The following ZDHHC20 variants were observed in gnomAD, a reference collection of about 807,000 sequenced individuals.
ZDHHC20 encodes palmitoyltransferase ZDHHC20.
ZDHHC20 carries 43 observed loss-of-function variants against 57.8 expected under a neutral mutation model. The ratio of observed to expected loss-of-function variants is 0.74; its 90% CI spans 0.58 to 0.96. ZDHHC20 has a LOEUF of 0.96. Ranked by LOEUF, ZDHHC20 falls within the 40% of genes least tolerant of loss-of-function variation. The probability of loss-of-function intolerance (pLI) is 0.00; values close to 1 mark genes in which losing one functional copy is unlikely to be tolerated. For synonymous variants in ZDHHC20, 157 were observed against 153.0 expected (o/e 1.03, Z -0.19); for missense variants, 391 against 441.1 (o/e 0.89, Z 1.02).
At chr13:21,450,397 C>G (rs1884331229) in intron 1 of ZDHHC20, among the ~76,000 whole-genome samples, 1 of 152,114 alleles carries the variant, frequency 6.6e-6, no homozygotes, top group African/African-American at 2.4e-5. Flanking sequence ...TCTTGTCTTT[C>G]AAGAAAGCAG....
At chr13:21,419,120 T>A (rs1880352924) in intron 3 of ZDHHC20, among the ~76,000 whole-genome samples, 1 of 152,214 alleles carries the variant, frequency 6.6e-6, no homozygotes, top group Non-Finnish European at 1.5e-5. Context: ...AGTAATTGAT[T>A]AAATAAAATT....
chr13:21,414,228 CT>C (rs34795716), intron 3 of ZDHHC20, among the ~76,000 whole-genome samples: 19,557 of 140,662 alleles, frequency 0.14, 1,612 homozygotes, highest in African/African-American at 0.24. Flanking sequence ...GCCAAGGAGT[CT>C]TTTTTTTTTT....
At chr13:21,411,675 A>G (rs1211435429) in intron 4 of ZDHHC20, among the ~76,000 whole-genome samples, 1 of 152,244 alleles carries the variant, frequency 6.6e-6, no homozygotes, top group Non-Finnish European at 1.5e-5. Flanking sequence ...TTGATGACTG[A>G]GCAGAATGAA....
intron 1 of ZDHHC20, among the ~76,000 whole-genome samples, chr13:21,438,883 C>G (rs962778585): frequency 6.6e-6 from 1 of 152,232 alleles, no homozygotes; most frequent in Admixed American, 6.5e-5. Context: ...CAGCCATCAT[C>G]ATCGAGGCAA....
intron 1 of ZDHHC20, among the ~76,000 whole-genome samples, chr13:21,434,800 C>T (rs1882377626): frequency 6.6e-6 from 1 of 151,342 alleles, no homozygotes; most frequent in Non-Finnish European, 1.5e-5. Context: ...TAAAGCATTG[C>T]ACAATATTCC....
chr13:21,378,073 GCT>G (rs1872555589), intron 12 of ZDHHC20, among the ~76,000 whole-genome samples: 1 of 151,926 alleles, frequency 6.6e-6, no homozygotes, highest in South Asian at 2.1e-4. Context: ...ACAGGGCCTT[GCT>G]CTGTTACCCA....
At position 21,375,731 on chromosome 13, in the gene ZDHHC20, T is replaced by C. The variant is rs762425010; in HGVS notation, c.*965A>G. ...TTCAAAGTAATTTTTAGTCATTACC[T>C]ACACTGAAATTTGAAAGTGAAGTCA... On this transcript the variant is annotated 3_prime_UTR_variant, in exon 13 of 13. Transcript: ENST00000400590. 6.6e-6 allele frequency: 1 copy of C among 152,292 alleles called. No homozygotes were observed. The highest frequency in any genetic ancestry group is 6.5e-5 in the Admixed American group (1 of 15,286). The allele number at this position is 152,292 out of a possible 1,614,324, so 9.4% of individuals were successfully genotyped here. A position where few individuals can be genotyped will look rare whatever the true frequency, so the allele number is the denominator to read the frequency against.
chr13:21,401,609 C>A, intron 6 of ZDHHC20, 44 bp downstream of exon 6: 1 of 1,517,640 alleles, frequency 6.6e-7, no homozygotes, highest in East Asian at 2.5e-5. Context: ...TCTAAATTCT[C>A]TCTCTCACCA....
chr13:21,384,043 G>A (rs1292057842), intron 9 of ZDHHC20, among the ~76,000 whole-genome samples: 4 of 151,840 alleles, frequency 2.6e-5, no homozygotes, highest in Non-Finnish European at 2.9e-5. Context: ...ACAAAACCAA[G>A]TTAAGTTACA....
rs1208275192 is a variant in ZDHHC20, at chr13:21,375,347, G to C, written c.*1349C>G. 5 of 365,310 alleles carry C rather than the reference G, an allele frequency of 1.4e-5. No individual in the cohort carries two copies. The East Asian group carries it at 3.0e-4, about 22-fold the overall frequency. 22.6% of individuals were successfully genotyped at this position (365,310 alleles called of 1,614,324 possible). On this transcript the variant is annotated 3_prime_UTR_variant, in exon 13 of 13. Coordinates refer to ENST00000400590, the MANE Select transcript of ZDHHC20 (RefSeq NM_001330059.2). ...TGGAAGCAATCAATTATTTTGGGGG[G>C]GGTGTGTGTGTGTGTGTGTCTGTCT...
At chr13:21,383,040 T>C (rs765443059) in intron 9 of ZDHHC20, 31 bp from the exon 10 acceptor site, 3 of 1,523,686 alleles carry the variant, frequency 2.0e-6, no homozygotes, top group Non-Finnish European at 2.7e-6. Flanking sequence ...ATAATTTAAA[T>C]AATGTTAAGT....
intron 5 of ZDHHC20, among the ~76,000 whole-genome samples, chr13:21,402,236 TG>T (rs1877744073): frequency 6.6e-6 from 1 of 152,134 alleles, no homozygotes; most frequent in Non-Finnish European, 1.5e-5. Context: ...ATATTAACAC[TG>T]ATGGGCTTGG....
At chr13:21,431,107 A>T (rs1881862735) in intron 1 of ZDHHC20, among the ~76,000 whole-genome samples, 2 of 152,200 alleles carry the variant, frequency 1.3e-5, no homozygotes, top group African/African-American at 4.8e-5. Flanking sequence ...TTGGGTGGAC[A>T]TAATATTTTT....
intron 7 of ZDHHC20, among the ~76,000 whole-genome samples, chr13:21,394,118 A>G (rs1876333202): frequency 6.6e-6 from 1 of 152,186 alleles, no homozygotes; most frequent in Non-Finnish European, 1.5e-5. Context: ...CCTGGCTGCT[A>G]GTAAAAGCCA....
At chr13:21,428,970 T>C (rs775124959) in intron 1 of ZDHHC20, among the ~76,000 whole-genome samples, 2 of 152,196 alleles carry the variant, frequency 1.3e-5, no homozygotes, top group African/African-American at 2.4e-5. Flanking sequence ...ATGTAAGAAA[T>C]GTCATTTTTC....
At chr13:21,439,993 G>T (rs1342208309) in intron 1 of ZDHHC20, among the ~76,000 whole-genome samples, 1 of 147,452 alleles carries the variant, frequency 6.8e-6, no homozygotes, top group Admixed American at 6.9e-5. Context: ...CTCAAACCCA[G>T]GAGGCAGAGG....
intron 7 of ZDHHC20, among the ~76,000 whole-genome samples, chr13:21,398,732 A>G (rs1877192759): frequency 6.6e-6 from 1 of 152,220 alleles, no homozygotes; most frequent in Admixed American, 6.5e-5. Flanking sequence ...ACATAGAAAG[A>G]ACAGTGAAAT....
chr13:21,451,126 T>C (rs1439495181), intron 1 of ZDHHC20, among the ~76,000 whole-genome samples: 1 of 152,146 alleles, frequency 6.6e-6, no homozygotes, highest in Admixed American at 6.6e-5. Context: ...GAGGATAAGA[T>C]TTAGGGAAAT....
chr13:21,415,047 T>C (rs918710518), intron 3 of ZDHHC20, among the ~76,000 whole-genome samples: 19 of 152,196 alleles, frequency 1.2e-4, no homozygotes, highest in African/African-American at 4.6e-4. Flanking sequence ...GTCTAGTTGC[T>C]AACTCAAATA....
Sources: gnomAD v4.1 joint callset for allele counts (sites outside exome capture counted in the v4.1 genomes callset) on GRCh38, gnomAD v4.1.1 for gene constraint, MANE v1.5 for transcripts, NCBI Gene and HGNC (gene_info 2026-07-23, HGNC 2026-07-21) for gene names.